Variants in CNDP1 observed in about 807,000 individuals in gnomAD.
CNDP1 encodes the protein beta-Ala-His dipeptidase.
In CNDP1, 44 loss-of-function variants were observed where a neutral mutation model predicts 58.1. The ratio of observed to expected loss-of-function variants is 0.76; its 90% CI spans 0.60 to 0.97. CNDP1 has a LOEUF of 0.97. CNDP1 is among the 50% of genes least tolerant of loss of function. CNDP1 has a pLI of 0.00. For synonymous variants in CNDP1, 254 were observed against 252.6 expected (o/e 1.01, Z -0.05); for missense variants, 616 against 655.1 (o/e 0.94, Z 0.65).
At chr18:74,561,828 TGA>T (rs1981206777) in intron 4 of CNDP1, among the ~76,000 whole-genome samples, 1 of 152,220 alleles carries the variant, frequency 6.6e-6, no homozygotes, top group South Asian at 2.1e-4. Flanking sequence ...GACTAGCTGA[TGA>T]CTGTACTATT....
rs370621630 is a variant in CNDP1, at chr18:74,567,562, C to A, written c.756+129C>A. ...GGGCAGAGGCCTTACCTGGGACACACGGCCTCAGGGGAGGTGGGGTGGGTG... is the reference window on the plus strand; with the variant it reads ...GGGCAGAGGCCTTACCTGGGACACAAGGCCTCAGGGGAGGTGGGGTGGGTG... On this transcript the variant is annotated intron_variant, in intron 6 of 11. Transcript: ENST00000358821. 1.9e-5 allele frequency: 15 copies of A among 790,186 alleles called. No individual in the cohort carries two copies. In the African/African-American group the frequency reaches 2.2e-4, roughly 12 times the overall value. 48.9% of individuals were successfully genotyped at this position (790,186 alleles called of 1,614,324 possible).
At position 74,578,316 on chromosome 18, in the gene CNDP1, G is replaced by T. The variant is rs773221004; in HGVS notation, c.1156G>T (p.Val386Leu). The T allele has an allele frequency of 6.2e-6, 10 of 1,602,588 alleles. No individual in the cohort carries two copies. ...RLVPHMNVSAVEKQVTRHLED... is the reference protein window; with the variant it reads ...RLVPHMNVSALEKQVTRHLED... ...AGTCCCTCACATGAATGTGTCTGCG[G>T]TGGAAAAACAGGTAACAAATGCTTA... Residue 386 changes from valine to leucine, a missense_variant, in exon 9 of 12, where the codon GTG (valine) becomes TTG (leucine). By Grantham distance (32) the Val-to-Leu change is conservative (BLOSUM62 1). Coordinates refer to ENST00000358821, the MANE Select transcript of CNDP1 (RefSeq NM_032649.6).
rs1980744198 is a variant in CNDP1, at chr18:74,545,780, C to T, written c.25-10558C>T. Among the ~76,000 whole-genome samples, 1 of 152,180 alleles carries T rather than the reference C, an allele frequency of 6.6e-6. No homozygotes were observed. Among genetic ancestry groups the T allele is most frequent in the Non-Finnish European group, 1.5e-5 (1 of 68,034 alleles). On this transcript the variant is annotated intron_variant, in intron 1 of 11. Coordinates refer to ENST00000358821, the MANE Select transcript of CNDP1 (RefSeq NM_032649.6). The surrounding 1 kb of genome is among the most constrained non-coding windows in gnomAD (Gnocchi z 4.1). ...TATCGACACTTTTACACAAAAATCA[C>T]TCAAATGAGATTTAAAGGAAGAAGA...
At chr18:74,561,090 T>G in intron 4 of CNDP1, 72 bp downstream of exon 4, 7 of 1,534,300 alleles carry the variant, frequency 4.6e-6, no homozygotes, top group African/African-American at 1.4e-5. Context: ...GATGAGGCTC[T>G]GTCCCTGGGT....
At chr18:74,555,329 G>A (rs1286280339) in intron 1 of CNDP1, among the ~76,000 whole-genome samples, 2 of 152,108 alleles carry the variant, frequency 1.3e-5, no homozygotes, top group Middle Eastern at 3.2e-3. Flanking sequence ...AGAACCTGAC[G>A]TAGGCGGTCT....
intron 8 of CNDP1, 54 bp downstream of exon 8, chr18:74,577,083 T>C: frequency 6.7e-7 from 1 of 1,483,804 alleles, no homozygotes; most frequent in Non-Finnish European, 9.1e-7. Context: ...TAGTATATCA[T>C]ATTTGCCCTC....
At chr18:74,570,368 G>A (rs1981449477) in intron 6 of CNDP1, among the ~76,000 whole-genome samples, 1 of 152,146 alleles carries the variant, frequency 6.6e-6, no homozygotes, top group Admixed American at 6.5e-5. Flanking sequence ...AAGAGACTTT[G>A]ATCTGGGCAG....
intron 1 of CNDP1, among the ~76,000 whole-genome samples, chr18:74,549,288 T>C (rs948023174): frequency 6.6e-6 from 1 of 152,258 alleles, no homozygotes; most frequent in Admixed American, 6.5e-5. Flanking sequence ...GTAGCATTCC[T>C]ACACGTGATG....
chr18:74,553,030 A>G (rs1980948769), intron 1 of CNDP1, among the ~76,000 whole-genome samples: 1 of 152,264 alleles, frequency 6.6e-6, no homozygotes, highest in Non-Finnish European at 1.5e-5. Context: ...CCTGATGGCT[A>G]ATCATGCTGA....
chr18:74,540,857 TAATC>T (rs1249339614), intron 1 of CNDP1, among the ~76,000 whole-genome samples: 2 of 152,236 alleles, frequency 1.3e-5, no homozygotes. Context: ...CCACTTCTGT[TAATC>T]AACAAATCAC....
At chr18:74,581,650 C>T (rs1027041141) in intron 10 of CNDP1, among the ~76,000 whole-genome samples, 2 of 152,194 alleles carry the variant, frequency 1.3e-5, no homozygotes, top group Non-Finnish European at 2.9e-5. Flanking sequence ...ATTCCATGCA[C>T]TTCAAGGTCC....
chr18:74,584,631 T>C lies in CNDP1; in HGVS notation c.*69T>C. The C allele has an allele frequency of 8.1e-7, 1 of 1,232,642 alleles. No homozygotes were observed. The highest frequency in any genetic ancestry group is 2.3e-5 in the East Asian group (1 of 43,106). 76.4% of individuals were successfully genotyped at this position (1,232,642 alleles called of 1,614,324 possible). Reference sequence around the variant, plus strand: ...CCTCCCCCACATCCCTAGACAGGGATGGAATGTAAATATCCAGAGAATTTG... The same window carrying C: ...CCTCCCCCACATCCCTAGACAGGGACGGAATGTAAATATCCAGAGAATTTG... On this transcript the variant is annotated 3_prime_UTR_variant, in exon 12 of 12. Coordinates refer to ENST00000358821, the MANE Select transcript of CNDP1 (RefSeq NM_032649.6).
intron 1 of CNDP1, among the ~76,000 whole-genome samples, chr18:74,541,800 C>A (rs145543481): frequency 1.1e-3 from 172 of 152,326 alleles, no homozygotes; most frequent in African/African-American, 3.8e-3. Flanking sequence ...CTCTTTCAAG[C>A]GGTTACAATC....
chr18:74,553,581 T>A (rs974189875), intron 1 of CNDP1, among the ~76,000 whole-genome samples: 2 of 152,210 alleles, frequency 1.3e-5, no homozygotes, highest in African/African-American at 2.4e-5. Flanking sequence ...ATGTGAGGAT[T>A]TATTTCTGGA....
At chr18:74,558,689 C>T (rs770792222) in intron 2 of CNDP1, among the ~76,000 whole-genome samples, 10 of 152,052 alleles carry the variant, frequency 6.6e-5, no homozygotes, top group Non-Finnish European at 1.2e-4. Flanking sequence ...CCACCGCACC[C>T]GGCTGGGAGC....
At chr18:74,570,852 A>T (rs1159597568) in intron 6 of CNDP1, among the ~76,000 whole-genome samples, 1 of 152,230 alleles carries the variant, frequency 6.6e-6, no homozygotes, top group Non-Finnish European at 1.5e-5. Context: ...GGAGTGATCA[A>T]CAATATGGGA....
intron 5 of CNDP1, among the ~76,000 whole-genome samples, chr18:74,563,014 C>A (rs1437759177): frequency 2.6e-5 from 4 of 152,204 alleles, no homozygotes; most frequent in African/African-American, 9.7e-5. Flanking sequence ...CAGCCCTGTC[C>A]AAGGCTGCAA....
intron 1 of CNDP1, among the ~76,000 whole-genome samples, chr18:74,549,711 G>A (rs1307039780): frequency 1.3e-5 from 2 of 152,182 alleles, no homozygotes; most frequent in Non-Finnish European, 2.9e-5. Context: ...TGAGAACAAG[G>A]TCTTGATGGC....
At chr18:74,561,666 C>A (rs1476846028) in intron 4 of CNDP1, 1 of 191,552 alleles carries the variant, frequency 5.2e-6, no homozygotes, top group Non-Finnish European at 1.1e-5. Flanking sequence ...TTTTTTCATT[C>A]TTCTACTAAC....
Sources: allele counts gnomAD v4.1 joint callset (sites outside exome capture counted in the v4.1 genomes callset), GRCh38; gene constraint gnomAD v4.1.1; non-coding constraint Gnocchi (gnomAD v3.1); transcripts MANE v1.5; gene names NCBI Gene and HGNC (gene_info 2026-07-23, HGNC 2026-07-21).